The following KLHL1 variants were observed in gnomAD, a reference collection of about 807,000 sequenced individuals.
KLHL1 encodes kelch-like protein 1.
In KLHL1, 47 loss-of-function variants were observed where a neutral mutation model predicts 77.7. The observed-to-expected ratio is 0.60, with a 90% confidence interval of 0.48 to 0.77. KLHL1 has a LOEUF of 0.77. KLHL1 is among the 30% of genes least tolerant of loss of function. The pLI, the probability that KLHL1 is intolerant of heterozygous loss-of-function variation, is 0.00. For missense variants in KLHL1, 925 were observed against 910.8 expected (o/e 1.02, Z -0.20); for synonymous variants, 360 against 325.2 (o/e 1.11, Z -1.15).
intron 6 of KLHL1, among the ~76,000 whole-genome samples, chr13:69,817,994 T>C (rs1251272067): frequency 6.6e-6 from 1 of 152,118 alleles, no homozygotes; most frequent in East Asian, 1.9e-4. Flanking sequence ...AGTTTTACTC[T>C]GAACCACCCT....
rs138935638 is a variant in KLHL1 at position 70,025,699 on chromosome 13, A to C, written c.498-49897T>G. On this transcript the variant is annotated intron_variant, in intron 1 of 10. Transcript: ENST00000377844. ...TATTTTTACTATATATATTATATAT[A>C]GTATACATATGATATACATGTATTA... Among the ~76,000 whole-genome samples the C allele has an allele frequency of 4.8e-3, 730 of 151,154 alleles. 7 individuals are homozygous for C. Among genetic ancestry groups the C allele is most frequent in the Middle Eastern group, 0.014 (4 of 288 alleles).
intron 1 of KLHL1, among the ~76,000 whole-genome samples, chr13:70,055,400 T>C (rs1886721387): frequency 1.3e-5 from 2 of 152,066 alleles, no homozygotes; most frequent in African/African-American, 4.8e-5. Flanking sequence ...ACCAGAACTG[T>C]CCTACAAGAA....
intron 5 of KLHL1, among the ~76,000 whole-genome samples, chr13:69,847,506 C>A (rs1056097362): frequency 1.3e-5 from 2 of 151,078 alleles, no homozygotes; most frequent in African/African-American, 4.9e-5. Context: ...TCATGGAGTC[C>A]ACTGCAAAAT....
chr13:69,951,759 T>C (rs561620404), intron 3 of KLHL1, among the ~76,000 whole-genome samples: 1 of 151,564 alleles, frequency 6.6e-6, no homozygotes, highest in African/African-American at 2.4e-5. Flanking sequence ...CCATTATGGG[T>C]CATTTTTAAA....
chr13:69,751,713 A>C (rs940345906), intron 7 of KLHL1, among the ~76,000 whole-genome samples: 1 of 152,128 alleles, frequency 6.6e-6, no homozygotes, highest in Non-Finnish European at 1.5e-5. Flanking sequence ...ATGTGAAGTT[A>C]CTAATATGTT....
intron 6 of KLHL1, among the ~76,000 whole-genome samples, chr13:69,800,452 G>T (rs952912790): frequency 1.3e-5 from 2 of 151,948 alleles, no homozygotes; most frequent in African/African-American, 4.8e-5. Context: ...GTTATATAAA[G>T]TTAAGCAATA....
chr13:69,774,131 C>T (rs1367429539), intron 7 of KLHL1, among the ~76,000 whole-genome samples: 1 of 151,798 alleles, frequency 6.6e-6, no homozygotes, highest in African/African-American at 2.4e-5. Flanking sequence ...CAGTATTACT[C>T]TTTTTAAACA....
At chr13:69,884,914 A>G (rs1030717500) in intron 4 of KLHL1, among the ~76,000 whole-genome samples, 2 of 148,600 alleles carry the variant, frequency 1.3e-5, no homozygotes, top group South Asian at 4.2e-4. Flanking sequence ...TTTTAATACC[A>G]CTACAGCACT....
chr13:69,935,267 G>C (rs1478189521), intron 4 of KLHL1, among the ~76,000 whole-genome samples: 1 of 151,224 alleles, frequency 6.6e-6, no homozygotes. Flanking sequence ...TTCACCTACT[G>C]GTGAACTTGG....
chr13:69,974,270 T>C (rs1274224151), intron 2 of KLHL1, among the ~76,000 whole-genome samples: 2 of 151,066 alleles, frequency 1.3e-5, no homozygotes, highest in African/African-American at 2.4e-5. Context: ...TCTAAATATA[T>C]TAAATATTTA....
intron 1 of KLHL1, among the ~76,000 whole-genome samples, chr13:70,017,122 C>T (rs1426323611): frequency 6.6e-6 from 1 of 152,202 alleles, no homozygotes; most frequent in Non-Finnish European, 1.5e-5. Flanking sequence ...CTGCATTCCT[C>T]ATTCCTCCTG....
At chr13:69,990,488 A>C (rs1347965455) in intron 1 of KLHL1, among the ~76,000 whole-genome samples, 1 of 152,050 alleles carries the variant, frequency 6.6e-6, no homozygotes, top group Admixed American at 6.6e-5. Flanking sequence ...CTACCAAGCA[A>C]ATGGAAAACA....
intron 7 of KLHL1, among the ~76,000 whole-genome samples, chr13:69,758,981 G>A (rs74997244): frequency 0.23 from 34,275 of 152,010 alleles, 4,014 homozygotes; most frequent in South Asian, 0.31. Flanking sequence ...CCCCCAGGGT[G>A]TTCTGGGTCC....
At chr13:69,936,770 A>C (rs141189772) in intron 4 of KLHL1, among the ~76,000 whole-genome samples, 1,897 of 152,204 alleles carry the variant, frequency 0.012, 21 homozygotes, top group Admixed American at 0.019. Context: ...GGAAGTTTCT[A>C]CTGAAGATTT....
chr13:69,809,533 G>A (rs944012889), intron 6 of KLHL1, among the ~76,000 whole-genome samples: 7 of 151,994 alleles, frequency 4.6e-5, no homozygotes, highest in African/African-American at 9.7e-5. Flanking sequence ...GCACCAGATC[G>A]GCTCTATGAG....
chr13:69,835,218 G>A (rs1337855676), intron 6 of KLHL1, among the ~76,000 whole-genome samples: 2 of 152,064 alleles, frequency 1.3e-5, no homozygotes, highest in East Asian at 3.9e-4. Context: ...AGAGAAAAAG[G>A]ACACTTCTGA....
At chr13:69,891,014 T>A (rs937403969) in intron 4 of KLHL1, among the ~76,000 whole-genome samples, 5 of 152,224 alleles carry the variant, frequency 3.3e-5, no homozygotes, top group Admixed American at 1.3e-4. Flanking sequence ...TTCTCTATAT[T>A]TTGTTATCAG....
intron 5 of KLHL1, among the ~76,000 whole-genome samples, chr13:69,846,863 A>T (rs1879483092): frequency 5.5e-5 from 1 of 18,130 alleles, no homozygotes; most frequent in Non-Finnish European, 2.2e-4. Context: ...AATAATACAT[A>T]AATTATGATG....
intron 1 of KLHL1, among the ~76,000 whole-genome samples, chr13:70,027,577 T>C (rs763451090): frequency 2.0e-5 from 3 of 151,410 alleles, no homozygotes; most frequent in Non-Finnish European, 2.9e-5. Flanking sequence ...TTTTCTACCA[T>C]GACAATTACC....
Sources: gnomAD v4.1 joint callset for allele counts (sites outside exome capture counted in the v4.1 genomes callset) on GRCh38, gnomAD v4.1.1 for gene constraint, MANE v1.5 for transcripts, NCBI Gene and HGNC (gene_info 2026-07-23, HGNC 2026-07-21) for gene names.